ZMYM4: variants seen among roughly 807,000 people sequenced by gnomAD.
ZMYM4 encodes the protein zinc finger MYM-type containing 4.
A neutral mutation model predicts 183.2 loss-of-function variants in ZMYM4; 31 were observed. That is an observed-to-expected ratio of 0.17 (90% confidence interval 0.13 to 0.23). The LOEUF (loss-of-function observed/expected upper bound fraction) is 0.23, where lower values mean the gene tolerates loss of function less well. Among genes scored for constraint, ZMYM4 ranks in the 10% least tolerant of loss-of-function variants. The pLI, the probability that ZMYM4 is intolerant of heterozygous loss-of-function variation, is 1.00. For synonymous variants in ZMYM4, 592 were observed against 631.2 expected (o/e 0.94, Z 0.93); for missense variants, 1,273 against 1,840.3 (o/e 0.69, Z 5.64).
rs566784853 is a variant in ZMYM4 at position 35,410,682 on chromosome 1, G to A, written c.3948+2523G>A. ...TTTTTTTTTTTTTTCCAGTAGAGAC[G>A]GGGTTTCACAGTATTAGCCAGGATG... On this transcript the variant is annotated intron_variant, in intron 26 of 29. Transcript: ENST00000314607. 9.8e-4 allele frequency among the ~76,000 whole-genome samples: 144 copies of A among 147,300 alleles called. No individual in the cohort carries two copies. In the Middle Eastern group the frequency reaches 0.01, roughly 10 times the overall value.
chr1:35,303,108 A>AG lies in ZMYM4; in HGVS notation c.40-22252_40-22251insG, dbSNP rs1199562381. Among the ~76,000 whole-genome samples the AG allele has an allele frequency of 2.6e-5, 4 of 151,126 alleles. No individual in the cohort carries two copies. The Admixed American group carries it at 2.6e-4, about 10-fold the overall frequency. ...TGGGAAACCTGGCAAAAAAAAAAAA[A>AG]CAAAAAAACCTTGTCTTTGCAAAAA... On this transcript the variant is annotated intron_variant, in intron 1 of 29. Coordinates refer to ENST00000314607, the MANE Select transcript of ZMYM4 (RefSeq NM_005095.3).
At position 35,417,340 on chromosome 1, in the gene ZMYM4, G is replaced by A. The variant is rs765812617; in HGVS notation, c.4310-1103G>A. ...GTGGGAAAGAAATAGCCCACTTTCCGTATCTTCACCCTGACTTCCTTATAT... is the reference window on the plus strand; with the variant it reads ...GTGGGAAAGAAATAGCCCACTTTCCATATCTTCACCCTGACTTCCTTATAT... On this transcript the variant is annotated intron_variant, in intron 28 of 29. Transcript: ENST00000314607. 4.6e-5 allele frequency among the ~76,000 whole-genome samples: 7 copies of A among 151,930 alleles called. No individual in the cohort carries two copies. The South Asian group carries it at 1.0e-3, about 23-fold the overall frequency.
chr1:35,348,720 C>T (rs150064176), intron 2 of ZMYM4, among the ~76,000 whole-genome samples: 23 of 152,294 alleles, frequency 1.5e-4, no homozygotes, highest in Non-Finnish European at 3.2e-4. Context: ...CACAGCCACA[C>T]AGTTCAGCAT....
chr1:35,418,414 A>G (rs745856512), intron 28 of ZMYM4, 29 bp from the exon 29 acceptor site: 33 of 1,609,616 alleles, frequency 2.1e-5, no homozygotes, highest in Non-Finnish European at 2.6e-5. Flanking sequence ...TTCTAATATA[A>G]TCCTTTGATT....
Position 35,387,190 on chromosome 1 carries a change from A to C in ZMYM4, c.2024A>C (p.His675Pro), listed in dbSNP as rs143110900. ...CAGCGTCTCGCTGCCCAGTCCCAGC[A>C]TGTTGGGTTTGCACGAAGTGTTGTG... Reference protein sequence around the residue: ...GLQRLAAQSQHVGFARSVVKL... With the variant: ...GLQRLAAQSQPVGFARSVVKL... Residue 675 changes from histidine to proline, a missense_variant, in exon 12 of 30, where the codon CAT becomes CCT. His to Pro is a moderately conservative substitution (Grantham distance 77). This residue lies in a region of ZMYM4 where 319 missense variants were observed against 518.1 expected (regional missense o/e 0.62). Coordinates refer to ENST00000314607, the MANE Select transcript of ZMYM4 (RefSeq NM_005095.3). The C allele has an allele frequency of 6.2e-7, 1 of 1,614,248 alleles. No individual in the cohort carries two copies. The highest frequency in any genetic ancestry group is 1.1e-5 in the South Asian group (1 of 91,090).
At chr1:35,287,154 T>A (rs1181161211) in intron 1 of ZMYM4, among the ~76,000 whole-genome samples, 2 of 148,958 alleles carry the variant, frequency 1.3e-5, no homozygotes, top group Admixed American at 6.6e-5. Context: ...GCGTGCTCAA[T>A]AAGTGTTATT....
At chr1:35,346,682 GAGAA>G in intron 2 of ZMYM4, among the ~76,000 whole-genome samples, 1 of 134,926 alleles carries the variant, frequency 7.4e-6, no homozygotes, top group East Asian at 2.1e-4. Flanking sequence ...AAAAAAAAAA[GAGAA>G]AGAAATAGTT....
chr1:35,294,969 A>G (rs368858872), intron 1 of ZMYM4, among the ~76,000 whole-genome samples: 1 of 152,184 alleles, frequency 6.6e-6, no homozygotes, highest in African/African-American at 2.4e-5. Flanking sequence ...CACATCCCTA[A>G]TTTCTATTCC....
Position 35,399,571 on chromosome 1 carries a change from C to G in ZMYM4, c.3523C>G (p.Arg1175Gly), listed in dbSNP as rs778531185. The G allele has an allele frequency of 6.2e-7, 1 of 1,614,058 alleles. No homozygotes were observed. Among genetic ancestry groups the G allele is most frequent in the Non-Finnish European group, 8.5e-7 (1 of 1,179,956 alleles). The change falls in exon 23 of 30, where the codon CGA (arginine) becomes GGA (glycine). Residue 1175 changes from arginine (R) to glycine (G), a missense_variant. This residue lies in a region of ZMYM4 where 133 missense variants were observed against 155.7 expected (regional missense o/e 0.85). Transcript: ENST00000314607. ...CAGAGATGGCTTCCCCCAACCCAGA[C>G]GAAGAGTAAGCTGCAGCTTAACTTT... ...RHRDGFPQPR[R>G]RGRKKSIVAV... is the part of the protein sequence containing the mutation.
At position 35,388,989 on chromosome 1, in the gene ZMYM4, A is replaced by G. The variant is rs772744811; in HGVS notation, c.2343A>G (p.Thr781=). Residue 781 remains threonine, a synonymous_variant, in exon 14 of 30, where the codon ACA becomes ACG. Transcript: ENST00000314607. ...HCKMCSYCLQ[T]SPKLVQNNLG... is the part of the protein sequence containing the mutation. ...AAATGTGCAGTTATTGTTTACAGAC[A>G]TCTCCCAAATTGGTACAGAATAATT... The G allele has an allele frequency of 6.2e-7, 1 of 1,614,078 alleles. No individual in the cohort carries two copies. Among genetic ancestry groups the G allele is most frequent in the East Asian group, 2.2e-5 (1 of 44,878 alleles).
chr1:35,393,548 T>G, intron 17 of ZMYM4, 47 bp from the exon 18 acceptor site: 12 of 1,503,764 alleles, frequency 8.0e-6, no homozygotes, highest in East Asian at 2.4e-5. Context: ...ATAATTACAA[T>G]GAGATTTTTA....
chr1:35,350,704 AG>A (rs1394175068), intron 2 of ZMYM4: 1 of 370,756 alleles, frequency 2.7e-6, no homozygotes, highest in Non-Finnish European at 5.1e-6. Flanking sequence ...CTGCAGACAA[AG>A]ATCTCTCTTC....
intron 26 of ZMYM4, among the ~76,000 whole-genome samples, chr1:35,413,075 C>G (rs530790160): frequency 1.3e-5 from 2 of 152,060 alleles, no homozygotes; most frequent in East Asian, 3.9e-4. Flanking sequence ...CAGGGTCTTG[C>G]TCTGTTACCC....
chr1:35,287,072 C>T (rs932113144), intron 1 of ZMYM4, among the ~76,000 whole-genome samples: 1 of 151,740 alleles, frequency 6.6e-6, no homozygotes, highest in African/African-American at 2.4e-5. Flanking sequence ...TTCTGTTGCC[C>T]TTCCTTCCTC....
intron 9 of ZMYM4, among the ~76,000 whole-genome samples, chr1:35,382,596 C>G (rs1395008876): frequency 6.6e-6 from 1 of 151,786 alleles, no homozygotes; most frequent in African/African-American, 2.4e-5. Flanking sequence ...GCGCCCACCA[C>G]CAGGCCTGGC....
chr1:35,303,406 T>G (rs1641381962), intron 1 of ZMYM4, among the ~76,000 whole-genome samples: 1 of 152,082 alleles, frequency 6.6e-6, no homozygotes, highest in Non-Finnish European at 1.5e-5. Flanking sequence ...GCAATTTGTG[T>G]TTTTTGTTTG....
chr1:35,412,966 C>T (rs1380186444), intron 26 of ZMYM4, among the ~76,000 whole-genome samples: 1 of 152,022 alleles, frequency 6.6e-6, no homozygotes, highest in African/African-American at 2.4e-5. Context: ...ACTTTTATCA[C>T]GTAATTACAT....
At chr1:35,386,979 CT>C (rs1558142862) in intron 11 of ZMYM4, 23 bp from the exon 12 acceptor site, 1 of 1,604,630 alleles carries the variant, frequency 6.2e-7, no homozygotes, top group Non-Finnish European at 8.5e-7. Context: ...TAAATTGATA[CT>C]TTTTGTTGTT....
chr1:35,419,787 A>C lies in ZMYM4; in HGVS notation c.*110A>C. On this transcript the variant is annotated 3_prime_UTR_variant, in exon 30 of 30. Transcript: ENST00000314607. Reference sequence around the variant, plus strand: ...TCTAAGTCCTCTTGACTTGACCATAAGATCATGGAAAACAGATGACTTGTG... The same window carrying C: ...TCTAAGTCCTCTTGACTTGACCATACGATCATGGAAAACAGATGACTTGTG... 9.0e-7 allele frequency: 1 copy of C among 1,110,422 alleles called. No individual in the cohort carries two copies. The highest frequency in any genetic ancestry group is 1.3e-6 in the Non-Finnish European group (1 of 766,062). 68.8% of individuals were successfully genotyped at this position (1,110,422 alleles called of 1,614,324 possible). A position where few individuals can be genotyped will look rare whatever the true frequency, so the allele number is the denominator to read the frequency against.
Sources: gnomAD v4.1 joint callset for allele counts (sites outside exome capture counted in the v4.1 genomes callset) on GRCh38, gnomAD v4.1.1 for gene constraint, gnomAD v4.1.1 regional missense constraint, MANE v1.5 for transcripts, NCBI Gene and HGNC (gene_info 2026-07-23, HGNC 2026-07-21) for gene names.